LTF: variants seen among roughly 807,000 people sequenced by gnomAD.
The protein encoded by LTF is lactotransferrin.
In LTF, 91 loss-of-function variants were observed where a neutral mutation model predicts 87.2. That is an observed-to-expected ratio of 1.04 (90% confidence interval 0.88 to 1.24). LTF has a LOEUF of 1.24. Among genes scored for constraint, LTF ranks in the 50% most tolerant of loss-of-function variants. LTF has a pLI of 0.00. For synonymous variants in LTF, 378 were observed against 356.1 expected, an observed-to-expected ratio of 1.06 and a Z score of -0.69; for missense variants, 901 against 904.3, an observed-to-expected ratio of 1.00 and a Z score of 0.05.
At chr3:46,451,165 T>C (rs1702793863) in intron 6 of LTF, among the ~76,000 whole-genome samples, 1 of 152,104 alleles carries the variant, frequency 6.6e-6, no homozygotes, top group African/African-American at 2.4e-5. Flanking sequence ...TATGAATGAG[T>C]TCAGGCAAAT....
intron 1 of LTF, among the ~76,000 whole-genome samples, chr3:46,462,433 G>A (rs774418379): frequency 2.0e-5 from 3 of 152,170 alleles, no homozygotes; most frequent in Non-Finnish European, 4.4e-5. Flanking sequence ...AACTAGTTAT[G>A]TGGCTTGTGG....
chr3:46,441,899 C>CAGAGAGAGAGAG (rs71622508), intron 13 of LTF: 1 of 101,576 alleles, frequency 9.8e-6, no homozygotes, highest in Non-Finnish European at 2.0e-5. Context: ...TGATAGCACC[C>CAGAGAGAGAGAG]AGAGAGAGAG....
intron 1 of LTF, among the ~76,000 whole-genome samples, chr3:46,471,712 T>C (rs1323036677): frequency 6.6e-6 from 1 of 152,142 alleles, no homozygotes; most frequent in Non-Finnish European, 1.5e-5. Context: ...ATGGAGAGGC[T>C]GAAGAGGAGA....
At chr3:46,474,786 C>G (rs1394193383) in intron 1 of LTF, among the ~76,000 whole-genome samples, 1 of 152,110 alleles carries the variant, frequency 6.6e-6, no homozygotes, top group African/African-American at 2.4e-5. Flanking sequence ...CTAGAAATCA[C>G]TAGCAAAAAG....
chr3:46,465,903 C>A (rs1703201871), upstream of LTF, among the ~76,000 whole-genome samples: 1 of 133,118 alleles, frequency 7.5e-6, no homozygotes, highest in Non-Finnish European at 1.7e-5. Context: ...ACATTGGGGG[C>A]CTCAGAAAGA....
chr3:46,455,184 C>T (rs1702895555), intron 5 of LTF, 111 bp downstream of exon 5: 2 of 1,315,904 alleles, frequency 1.5e-6, no homozygotes, highest in African/African-American at 2.9e-5. Context: ...GAACAGACCT[C>T]CTCTCGTCCC....
rs1702679126 is a variant in LTF, at chr3:46,447,315, C to G, written c.1296G>C (p.Glu432Asp). ...GATGCTAACTCCACTTACTGTAGTT[C>G]TCTGCCAGGACAGGCACCAAACCAC... ...GKCGLVPVLA[E>D]NYKSQQSSDP... The change falls in exon 10 of 17, where the codon GAG becomes GAC. Residue 432 changes from glutamate to aspartate, a missense_variant. Physicochemically the swap from Glu to Asp is conservative, Grantham distance 45 (BLOSUM62 2). Transcript: ENST00000231751. The G allele has an allele frequency of 1.2e-6, 2 of 1,613,816 alleles. No individual in the cohort carries two copies. Among genetic ancestry groups the G allele is most frequent in the Non-Finnish European group, 1.7e-6 (2 of 1,179,656 alleles).
At chr3:46,460,873 A>G (rs1703063320) in intron 1 of LTF, among the ~76,000 whole-genome samples, 1 of 152,264 alleles carries the variant, frequency 6.6e-6, no homozygotes, top group Non-Finnish European at 1.5e-5. Flanking sequence ...AGGCCACAGG[A>G]TACAAGATCA....
chr3:46,441,661 T>A, intron 13 of LTF, 178 bp from the exon 14 acceptor site: 1 of 564,720 alleles, frequency 1.8e-6, no homozygotes, highest in Non-Finnish European at 3.2e-6. Flanking sequence ...CCTGCCCTCC[T>A]TTTAAAACCC....
chr3:46,442,573 C>T (rs1702549870), intron 13 of LTF, among the ~76,000 whole-genome samples: 1 of 150,942 alleles, frequency 6.6e-6, no homozygotes, highest in African/African-American at 2.4e-5. Flanking sequence ...TGAGTAGAAT[C>T]ACATTTCCAT....
upstream of LTF, chr3:46,469,674 C>T (rs1473880414): frequency 2.0e-5 from 3 of 152,590 alleles, no homozygotes; most frequent in Admixed American, 6.5e-5. Context: ...CCACCCAAGT[C>T]CCCCCAAGAT....
At chr3:46,475,623 CA>C (rs1304401862) in intron 1 of LTF, among the ~76,000 whole-genome samples, 6 of 151,726 alleles carry the variant, frequency 4.0e-5, no homozygotes, top group African/African-American at 1.5e-4. Context: ...CCATGGGAAC[CA>C]TGTGGCTCCT....
chr3:46,480,662 C>A (rs1703420345), intron 1 of LTF, among the ~76,000 whole-genome samples: 1 of 152,120 alleles, frequency 6.6e-6, no homozygotes, highest in African/African-American at 2.4e-5. Flanking sequence ...ACAAAGAGGA[C>A]AATGGCACAT....
Position 46,473,038 on chromosome 3 carries a change from C to T in LTF, c.-319-2572G>A, listed in dbSNP as rs540600588. ...TGGGCCCAGATGCATTCAGTTCTTC[C>T]TCCATCCTGCCTCTTGCGCCTGCCT... On this transcript the variant is annotated intron_variant, in intron 1 of 19. Transcript: ENST00000443496. 2.0e-5 allele frequency among the ~76,000 whole-genome samples: 3 copies of T among 152,156 alleles called. No individual in the cohort carries two copies. The East Asian group carries it at 5.8e-4, about 29-fold the overall frequency.
chr3:46,463,366 G>GC (rs1703132266), intron 1 of LTF: 1 of 741,490 alleles, frequency 1.3e-6, no homozygotes, highest in African/African-American at 1.9e-5. Context: ...GTGCCTCCCA[G>GC]CCCATGGCTC....
intron 13 of LTF, chr3:46,441,762 C>A (rs530885608): frequency 2.9e-5 from 10 of 347,344 alleles, no homozygotes; most frequent in African/African-American, 1.7e-4. Context: ...AGGAAAGCAC[C>A]AAAATAATGG....
Position 46,455,986 on chromosome 3 carries a change from G to A in LTF, c.317-8C>T, listed in dbSNP as rs1005567929. On this transcript the variant is annotated splice_region_variant and splice_polypyrimidine_tract_variant and intron_variant, in intron 3 of 16. Coordinates refer to ENST00000231751, the MANE Select transcript of LTF (RefSeq NM_002343.6). The stretch of plus-strand genomic sequence containing the variant: ...AATAGTGAGTTCGTGGCTCTGCAAA[G>A]GGGCAGACAGAATTGAAAGTTCTTA... 1.9e-6 allele frequency: 3 copies of A among 1,557,302 alleles called. No homozygotes were observed. The highest frequency in any genetic ancestry group is 2.6e-6 in the Non-Finnish European group (3 of 1,154,144).
At chr3:46,471,624 G>A (rs1347217689) in intron 1 of LTF, among the ~76,000 whole-genome samples, 7 of 152,204 alleles carry the variant, frequency 4.6e-5, no homozygotes, top group Non-Finnish European at 8.8e-5. Context: ...AAAGGTACAC[G>A]GAGAAAGGAG....
chr3:46,480,120 T>A (rs927212350), intron 1 of LTF, among the ~76,000 whole-genome samples: 2 of 152,186 alleles, frequency 1.3e-5, no homozygotes, highest in Non-Finnish European at 2.9e-5. Context: ...AGGTGGATCG[T>A]GGAAGAGCCA....
Sources: allele counts gnomAD v4.1 joint callset (sites outside exome capture counted in the v4.1 genomes callset), GRCh38; gene constraint gnomAD v4.1.1; transcripts MANE v1.5; gene names NCBI Gene and HGNC (gene_info 2026-07-23, HGNC 2026-07-21).